AGBL4: variants seen among roughly 807,000 people sequenced by gnomAD.
AGBL4 encodes cytosolic carboxypeptidase 6.
Under a neutral mutation model 66.4 loss-of-function variants are expected in AGBL4, and 58 were observed. That is an observed-to-expected ratio of 0.87 (90% CI 0.71 to 1.09). The LOEUF is 1.09. Among genes scored for constraint, AGBL4 ranks in the 50% least tolerant of loss-of-function variants. AGBL4 has a pLI of 0.00. For synonymous variants in AGBL4, 234 were observed against 222.9 expected (o/e 1.05, Z -0.44); for missense variants, 579 against 631.0 (o/e 0.92, Z 0.88).
At chr1:49,157,198 T>C (rs1264703892) in intron 4 of AGBL4, among the ~76,000 whole-genome samples, 1 of 152,112 alleles carries the variant, frequency 6.6e-6, no homozygotes, top group African/African-American at 2.4e-5. Flanking sequence ...ACCCATCATC[T>C]ACATTAGGTA....
At chr1:49,541,302 C>T (rs547252153) in intron 3 of AGBL4, among the ~76,000 whole-genome samples, 2 of 152,242 alleles carry the variant, frequency 1.3e-5, no homozygotes, top group East Asian at 1.9e-4. Flanking sequence ...AGGTCAGAGC[C>T]GCCTCCCTCT....
chr1:49,749,395 T>C (rs1357900636), intron 2 of AGBL4, among the ~76,000 whole-genome samples: 1 of 152,048 alleles, frequency 6.6e-6, no homozygotes, highest in African/African-American at 2.4e-5. Context: ...ACTGTTGCAA[T>C]AGAAGAAAAA....
chr1:48,972,510 G>A lies in AGBL4; in HGVS notation c.594+73074C>T, dbSNP rs138179854. Among the ~76,000 whole-genome samples the A allele has an allele frequency of 2.0e-4, 31 of 152,174 alleles. No individual in the cohort carries two copies. The South Asian group carries it at 3.5e-3, about 17-fold the overall frequency. The stretch of plus-strand genomic sequence containing the variant: ...AGTCCCTCATTTCATTCTCAATCCC[G>A]TGGGGTAGGCATCATTATCCCATTT... On this transcript the variant is annotated intron_variant, in intron 5 of 13. Coordinates refer to ENST00000371839, the MANE Select transcript of AGBL4 (RefSeq NM_032785.4).
intron 5 of AGBL4, among the ~76,000 whole-genome samples, chr1:48,873,499 T>C (rs1648895669): frequency 6.6e-6 from 1 of 152,068 alleles, no homozygotes; most frequent in African/African-American, 2.4e-5. Context: ...ACCTCCTCAC[T>C]CCTCCATCCT....
intron 3 of AGBL4, among the ~76,000 whole-genome samples, chr1:49,305,567 T>C (rs1644834504): frequency 6.6e-6 from 1 of 152,236 alleles, no homozygotes; most frequent in African/African-American, 2.4e-5. Flanking sequence ...TGTGAACCTA[T>C]GTTGTTCAAG....
intron 4 of AGBL4, among the ~76,000 whole-genome samples, chr1:49,126,927 T>A (rs1029153671): frequency 6.6e-6 from 1 of 152,118 alleles, no homozygotes; most frequent in Non-Finnish European, 1.5e-5. Context: ...GACTATAGAT[T>A]CTGTCATAAA....
intron 4 of AGBL4, among the ~76,000 whole-genome samples, chr1:49,186,907 G>T (rs908708183): frequency 3.9e-5 from 6 of 152,146 alleles, no homozygotes; most frequent in African/African-American, 1.4e-4. Context: ...CAAATTGCTA[G>T]AAATGATTTT....
rs568468831 is a variant in AGBL4 at position 49,173,523 on chromosome 1, T to C, written c.377+72247A>G. On this transcript the variant is annotated intron_variant, in intron 4 of 13. Transcript: ENST00000371839. ...ATTAGTCATTAAGCCAGTCAGACCA[T>C]GTTCTAGTTGGTAGGAATACAGAGT... is the stretch of plus-strand genomic sequence containing the variant. Among the ~76,000 whole-genome samples, 62 of 152,184 alleles carry C rather than the reference T, an allele frequency of 4.1e-4. 1 individual carries two copies. The highest frequency in any genetic ancestry group is 2.1e-4 in the Non-Finnish European group (14 of 68,018).
intron 9 of AGBL4, among the ~76,000 whole-genome samples, chr1:48,596,429 T>A (rs2148356340): frequency 6.6e-6 from 1 of 152,290 alleles, no homozygotes; most frequent in East Asian, 1.9e-4. Context: ...AAATCTATTC[T>A]TTTCATTATT....
intron 2 of AGBL4, chr1:49,842,385 C>A: frequency 1.6e-6 from 1 of 630,344 alleles, no homozygotes; most frequent in South Asian, 2.0e-5. Flanking sequence ...GGCATGTACC[C>A]AGGTGAGATG....
intron 1 of AGBL4, among the ~76,000 whole-genome samples, chr1:49,959,437 G>T (rs1571962116): frequency 6.6e-6 from 1 of 152,006 alleles, no homozygotes; most frequent in South Asian, 2.1e-4. Flanking sequence ...CTGAGTTGAG[G>T]GACAGTTCAA....
At chr1:49,262,363 C>T (rs1171668203) in intron 3 of AGBL4, among the ~76,000 whole-genome samples, 1 of 152,100 alleles carries the variant, frequency 6.6e-6, no homozygotes, top group Non-Finnish European at 1.5e-5. Flanking sequence ...TCACAGTGAA[C>T]AGGCAACCTA....
At position 50,004,119 on chromosome 1, in the gene AGBL4, C is replaced by T. The variant is rs79183324; in HGVS notation, c.34+19644G>A. Among the ~76,000 whole-genome samples the T allele has an allele frequency of 1.7e-3, 254 of 152,306 alleles. 4 individuals are homozygous for T. In the East Asian group the frequency reaches 0.03, roughly 18 times the overall value. ...ACATGGCACAGAAAAAGAATCTTTG[C>T]GCACTTGAGGGAGAAAGAAATGCAG... On this transcript the variant is annotated intron_variant, in intron 1 of 13. Transcript: ENST00000371839.
At chr1:48,749,131 G>A (rs1651249034) in intron 6 of AGBL4, among the ~76,000 whole-genome samples, 1 of 152,172 alleles carries the variant, frequency 6.6e-6, no homozygotes, top group African/African-American at 2.4e-5. Flanking sequence ...CCCCGACTTT[G>A]AGGAATTGCA....
At chr1:49,578,430 G>A (rs778508290) in intron 3 of AGBL4, among the ~76,000 whole-genome samples, 5 of 152,192 alleles carry the variant, frequency 3.3e-5, no homozygotes, top group Non-Finnish European at 5.9e-5. Context: ...GACCTGCTGA[G>A]GTGCTTGCTG....
chr1:49,460,692 T>C (rs976490634), intron 3 of AGBL4, among the ~76,000 whole-genome samples: 3 of 151,668 alleles, frequency 2.0e-5, no homozygotes, highest in Admixed American at 2.0e-4. Context: ...ATTATATAGG[T>C]CCTGTGAGAT....
intron 1 of AGBL4, among the ~76,000 whole-genome samples, chr1:49,898,350 A>G (rs1649425272): frequency 6.6e-6 from 1 of 152,158 alleles, no homozygotes; most frequent in African/African-American, 2.4e-5. Flanking sequence ...AATGACAAGT[A>G]GGCATAAGAA....
chr1:48,691,194 T>G (rs1470528012), intron 6 of AGBL4, among the ~76,000 whole-genome samples: 1 of 149,078 alleles, frequency 6.7e-6, no homozygotes, highest in Non-Finnish European at 1.5e-5. Flanking sequence ...TGTGTGTATA[T>G]ATATATATTA....
chr1:49,160,300 TC>T (rs1232858773), intron 4 of AGBL4, among the ~76,000 whole-genome samples: 1 of 152,218 alleles, frequency 6.6e-6, no homozygotes, highest in East Asian at 1.9e-4. Context: ...TTGTTAGTTT[TC>T]CTTCTAACAG....
Sources: allele counts gnomAD v4.1 joint callset (sites outside exome capture counted in the v4.1 genomes callset), GRCh38; gene constraint gnomAD v4.1.1; transcripts MANE v1.5; gene names NCBI Gene and HGNC (gene_info 2026-07-23, HGNC 2026-07-21).